Variants in PCDHGB2 observed in about 807,000 individuals in gnomAD.
PCDHGB2 encodes protocadherin gamma-B2.
PCDHGB2 carries 55 observed loss-of-function variants against 59.3 expected under a neutral mutation model. The ratio of observed to expected loss-of-function variants is 0.93; its 90% CI spans 0.75 to 1.16. The LOEUF (loss-of-function observed/expected upper bound fraction) is 1.16, where lower values mean the gene tolerates loss of function less well. Ranked by LOEUF, PCDHGB2 falls within the 50% of genes most tolerant of loss-of-function variation. PCDHGB2 has a pLI of 0.00. For synonymous variants in PCDHGB2, 516 were observed against 512.0 expected (o/e 1.01, Z -0.11); for missense variants, 1,228 against 1,198.5 (o/e 1.02, Z -0.36).
chr5:141,362,464 G>A lies in PCDHGB2; in HGVS notation c.2329G>A (p.Ala777Thr). The change falls in exon 1 of 4, where the codon GCG (alanine) becomes ACG (threonine). Residue 777 changes from alanine (A) to threonine (T), a missense_variant. Transcript: ENST00000522605. ...FLNITPELVP[A>T]QDLVCDNASW... ...GAACATAACCCCGGAATTGGTTCCCGCGCAAGATCTCGTCTGTGACAATGC... is the reference window on the plus strand; with the variant it reads ...GAACATAACCCCGGAATTGGTTCCCACGCAAGATCTCGTCTGTGACAATGC... The A allele has an allele frequency of 3.1e-6, 5 of 1,614,038 alleles. No individual in the cohort carries two copies. Among genetic ancestry groups the A allele is most frequent in the Non-Finnish European group, 3.4e-6 (4 of 1,179,900 alleles).
rs148433768 is a variant in PCDHGB2 at position 141,385,635 on chromosome 5, C to T, written c.2421+23079C>T. 5.7e-6 allele frequency: 5 copies of T among 870,078 alleles called. No homozygotes were observed. The African/African-American group carries it at 8.9e-5, about 15-fold the overall frequency. 53.9% of individuals were successfully genotyped at this position (870,078 alleles called of 1,614,324 possible). A position where few individuals can be genotyped will look rare whatever the true frequency, so the allele number is the denominator to read the frequency against. On this transcript the variant is annotated intron_variant, in intron 1 of 3. Transcript: ENST00000522605. ...TTTTATACATTGGAATGAATCGAGT[C>T]TTTCATATTGCACAAGGTTAGCAGG...
intron 1 of PCDHGB2, among the ~76,000 whole-genome samples, chr5:141,373,609 A>G (rs566827138): frequency 6.6e-6 from 1 of 152,384 alleles, no homozygotes; most frequent in South Asian, 2.1e-4. Context: ...TTCAAAATTT[A>G]CAGAAGATTG....
At position 141,360,905 on chromosome 5, in the gene PCDHGB2, C is replaced by T. The variant is rs368319132; in HGVS notation, c.770C>T (p.Pro257Leu). Residue 257 changes from proline (P) to leucine (L), a missense_variant, in exon 1 of 4, where the codon CCG becomes CTG. Physicochemically the swap from Pro to Leu is moderately conservative, Grantham distance 98 (BLOSUM62 -3). Around this residue, in one of 3 missense-constraint regions of PCDHGB2, gnomAD observed 781 missense variants for 721.6 expected, o/e 1.08. Transcript: ENST00000522605. ...YRVTLREDVP[P>L]GFFVLQVTAT... ...GTCACCCTGAGGGAGGACGTGCCGC[C>T]GGGCTTCTTTGTGCTTCAAGTGACA... 199 of 1,613,890 alleles carry T rather than the reference C, an allele frequency of 1.2e-4. No homozygotes were observed. The highest frequency in any genetic ancestry group is 3.3e-4 in the Middle Eastern group (2 of 6,084).
chr5:141,405,457 TTA>T, intron 1 of PCDHGB2: 1 of 1,256,670 alleles, frequency 8.0e-7, no homozygotes, highest in Non-Finnish European at 1.1e-6. Context: ...TCTTACTCTG[TTA>T]CCCAGGCTGG....
chr5:141,360,540 G>T lies in PCDHGB2; in HGVS notation c.405G>T (p.Gln135His). 6.2e-7 allele frequency: 1 copy of T among 1,613,928 alleles called. No individual in the cohort carries two copies. The highest frequency in any genetic ancestry group is 8.5e-7 in the Non-Finnish European group (1 of 1,179,896). The change falls in exon 1 of 4, where the codon CAG becomes CAT. Residue 135 changes from glutamine (Q) to histidine (H), a missense_variant. Gln to His is a conservative substitution (Grantham distance 24, BLOSUM62 0). Coordinates refer to ENST00000522605, the MANE Select transcript of PCDHGB2 (RefSeq NM_018923.3). ...DINDNTPLFK[Q>H]TKINLKIGES... is the part of the protein sequence containing the mutation. ...ATGATAATACCCCGCTATTCAAACA[G>T]ACTAAGATTAATTTAAAAATTGGCG...
rs2099884413 is a variant in PCDHGB2, at chr5:141,512,781, G to A, written c.*1608G>A. ...CCTTGATCTGCCCGCGGCGGCCCGT[G>A]TTGTGTTTTGTGCTGTGTCCACGCG... is the stretch of plus-strand genomic sequence containing the variant. On this transcript the variant is annotated 3_prime_UTR_variant, in exon 4 of 4. Transcript: ENST00000522605. 1 of 152,534 alleles carries A rather than the reference G, an allele frequency of 6.6e-6. No individual in the cohort carries two copies. Among genetic ancestry groups the A allele is most frequent in the African/African-American group, 2.4e-5 (1 of 41,444 alleles). 9.4% of individuals were successfully genotyped at this position (152,534 alleles called of 1,614,324 possible). A position where few individuals can be genotyped will look rare whatever the true frequency, so the allele number is the denominator to read the frequency against.
intron 1 of PCDHGB2, chr5:141,421,143 A>T (rs2096549098): frequency 3.1e-6 from 3 of 964,414 alleles, no homozygotes; most frequent in Non-Finnish European, 4.5e-6. Flanking sequence ...TTTTGGATGT[A>T]GTCGGCCTAG....
At position 141,485,291 on chromosome 5, in the gene PCDHGB2, C is replaced by A. The variant is rs114678203; in HGVS notation, c.2422-9516C>A. 436 of 1,614,150 alleles carry A rather than the reference C, an allele frequency of 2.7e-4. No homozygotes were observed. Among genetic ancestry groups the A allele is most frequent in the Middle Eastern group, 8.2e-4 (5 of 6,062 alleles). Reference sequence around the variant, plus strand: ...CCGCTACCCGGTCCCAGAGGAGTCACAGGAAGGGACTTTTGTAGGGAATGT... The same window carrying A: ...CCGCTACCCGGTCCCAGAGGAGTCAAAGGAAGGGACTTTTGTAGGGAATGT... On this transcript the variant is annotated intron_variant, in intron 1 of 3. Coordinates refer to ENST00000522605, the MANE Select transcript of PCDHGB2 (RefSeq NM_018923.3). The surrounding 1 kb of genome is among the most constrained non-coding windows in gnomAD (Gnocchi z 5.7).
intron 1 of PCDHGB2, among the ~76,000 whole-genome samples, chr5:141,465,824 T>A (rs1447359333): frequency 6.6e-6 from 1 of 152,076 alleles, no homozygotes; most frequent in Non-Finnish European, 1.5e-5. Context: ...ATCACATTTG[T>A]TTAAAATTTC....
At position 141,485,464 on chromosome 5, in the gene PCDHGB2, G is replaced by A. The variant is rs2099614016; in HGVS notation, c.2422-9343G>A. ...CAATCGACCGAGAGGCACTGTGTGG[G>A]CTCAGTGCCAGCTGCATCGTGCCCC... is the stretch of plus-strand genomic sequence containing the variant. On this transcript the variant is annotated intron_variant, in intron 1 of 3. Coordinates refer to ENST00000522605, the MANE Select transcript of PCDHGB2 (RefSeq NM_018923.3). The surrounding 1 kb of genome is among the most constrained non-coding windows in gnomAD (Gnocchi z 5.7). 6.2e-7 allele frequency: 1 copy of A among 1,614,106 alleles called. No homozygotes were observed. The highest frequency in any genetic ancestry group is 8.5e-7 in the Non-Finnish European group (1 of 1,179,958).
At chr5:141,376,270 A>G (rs776888332) in intron 1 of PCDHGB2, 1 of 1,614,118 alleles carries the variant, frequency 6.2e-7, no homozygotes, top group African/African-American at 1.3e-5. Flanking sequence ...AGGCTTCGGG[A>G]GGTGGCTTAG....
At chr5:141,413,407 CT>C (rs758693256) in intron 1 of PCDHGB2, 3 of 1,613,926 alleles carry the variant, frequency 1.9e-6, no homozygotes, top group Non-Finnish European at 2.5e-6. Flanking sequence ...TAGGACGCAG[CT>C]TTTCTCTCTG....
intron 1 of PCDHGB2, chr5:141,421,335 G>A (rs2096564985): frequency 1.2e-6 from 2 of 1,613,944 alleles, no homozygotes; most frequent in Non-Finnish European, 8.5e-7. Context: ...GATATTCGGT[G>A]CCAGAAGAGA....
At chr5:141,472,453 T>C (rs2099281194) in intron 1 of PCDHGB2, among the ~76,000 whole-genome samples, 1 of 151,726 alleles carries the variant, frequency 6.6e-6, no homozygotes, top group African/African-American at 2.4e-5. Flanking sequence ...GGCAGGAGAA[T>C]CGCTTGAACC....
chr5:141,393,460 A>T, intron 1 of PCDHGB2: 1 of 1,614,052 alleles, frequency 6.2e-7, no homozygotes, highest in Non-Finnish European at 8.5e-7. Flanking sequence ...ACGGCCTCGG[A>T]TGGCGGCAAG....
At chr5:141,492,601 C>T (rs1374321466) in intron 1 of PCDHGB2, among the ~76,000 whole-genome samples, 2 of 152,220 alleles carry the variant, frequency 1.3e-5, no homozygotes, top group East Asian at 3.9e-4. Context: ...GGAGCGACTG[C>T]CGCTCTAAGT....
intron 1 of PCDHGB2, among the ~76,000 whole-genome samples, chr5:141,405,944 A>T (rs1435240635): frequency 6.6e-6 from 1 of 152,130 alleles, no homozygotes; most frequent in East Asian, 1.9e-4. Flanking sequence ...TCATGTTCTC[A>T]TAATAATTAA....
At chr5:141,374,181 A>G (rs765792921) in intron 1 of PCDHGB2, 14 of 1,613,530 alleles carry the variant, frequency 8.7e-6, no homozygotes, top group African/African-American at 2.7e-5. Flanking sequence ...CAGATCCGCT[A>G]CTCTATTCCC....
chr5:141,370,811 G>A (rs367716692), intron 1 of PCDHGB2: 14 of 1,613,898 alleles, frequency 8.7e-6, no homozygotes, highest in Non-Finnish European at 1.2e-5. Context: ...ATATCACTGA[G>A]CTGGAAATCA....
Sources: gnomAD v4.1 joint callset for allele counts (sites outside exome capture counted in the v4.1 genomes callset) on GRCh38, gnomAD v4.1.1 for gene constraint, gnomAD v4.1.1 regional missense constraint, Gnocchi (gnomAD v3.1) non-coding constraint, MANE v1.5 for transcripts, NCBI Gene and HGNC (gene_info 2026-07-23, HGNC 2026-07-21) for gene names.